The following INTS9 variants were observed in gnomAD, a reference collection of about 807,000 sequenced individuals.
The protein encoded by INTS9 is integrator complex subunit 9.
Under a neutral mutation model 79.7 loss-of-function variants are expected in INTS9, and 55 were observed. That is an observed-to-expected ratio of 0.69 (90% CI 0.56 to 0.86). INTS9 has a LOEUF of 0.86. INTS9 is among the 40% of genes least tolerant of loss of function. The pLI, the probability that INTS9 is intolerant of heterozygous loss-of-function variation, is 0.00. For missense variants in INTS9, 721 were observed against 831.5 expected, an observed-to-expected ratio of 0.87 and a Z score of 1.64; for synonymous variants, 319 against 325.2, an observed-to-expected ratio of 0.98 and a Z score of 0.20.
At chr8:28,842,003 A>G (rs1422071276) in intron 4 of INTS9, among the ~76,000 whole-genome samples, 2 of 152,140 alleles carry the variant, frequency 1.3e-5, no homozygotes, top group African/African-American at 4.8e-5. Flanking sequence ...CAGGAGGATC[A>G]CTTCAGCCCA....
chr8:28,838,851 A>G (rs1806984927), intron 4 of INTS9, among the ~76,000 whole-genome samples: 2 of 152,130 alleles, frequency 1.3e-5, no homozygotes, highest in South Asian at 4.2e-4. Flanking sequence ...TTCACAATCT[A>G]CACACAACAC....
At chr8:28,871,949 G>T (rs556704657) in intron 1 of INTS9, among the ~76,000 whole-genome samples, 1 of 152,246 alleles carries the variant, frequency 6.6e-6, no homozygotes, top group African/African-American at 2.4e-5. Context: ...GTCAATTCAT[G>T]AAATACAAAT....
At chr8:28,804,437 T>C (rs972743755) in intron 8 of INTS9, among the ~76,000 whole-genome samples, 1 of 152,162 alleles carries the variant, frequency 6.6e-6, no homozygotes, top group African/African-American at 2.4e-5. Flanking sequence ...GTATTACAGT[T>C]GGCAGATTGT....
At chr8:28,835,190 A>G (rs1399353060) in intron 6 of INTS9, 102 bp downstream of exon 6, 2 of 741,780 alleles carry the variant, frequency 2.7e-6, no homozygotes, top group Admixed American at 5.8e-5. Context: ...TCTTTAATAT[A>G]ACCAAATCAT....
At chr8:28,809,622 G>A (rs1804993985) in intron 8 of INTS9, among the ~76,000 whole-genome samples, 1 of 152,032 alleles carries the variant, frequency 6.6e-6, no homozygotes. Context: ...TACATCAATA[G>A]TACTGTAAAG....
chr8:28,819,416 T>C (rs1184217720), intron 6 of INTS9, among the ~76,000 whole-genome samples: 5 of 152,210 alleles, frequency 3.3e-5, no homozygotes, highest in Admixed American at 2.6e-4. Context: ...ATGTACCCAG[T>C]AGTCATTCAG....
intron 8 of INTS9, 114 bp from the exon 9 acceptor site, chr8:28,796,769 G>A (rs1339024425): frequency 1.4e-6 from 1 of 695,282 alleles, no homozygotes; most frequent in East Asian, 2.7e-5. Flanking sequence ...CCATCATCGA[G>A]TTCTCTTATG....
At chr8:28,784,651 A>C (rs183814077) in intron 11 of INTS9, among the ~76,000 whole-genome samples, 2 of 152,242 alleles carry the variant, frequency 1.3e-5, no homozygotes, top group Non-Finnish European at 1.5e-5. Flanking sequence ...AAACATATCT[A>C]TCTGCACTGA....
chr8:28,882,316 G>A (rs1251398065), intron 1 of INTS9, among the ~76,000 whole-genome samples: 1 of 114,972 alleles, frequency 8.7e-6, no homozygotes, highest in African/African-American at 2.7e-5. Flanking sequence ...CACAAACACT[G>A]CGGAAGGCCG....
chr8:28,841,389 A>C (rs1420894343), intron 4 of INTS9, among the ~76,000 whole-genome samples: 1 of 152,248 alleles, frequency 6.6e-6, no homozygotes, highest in Non-Finnish European at 1.5e-5. Flanking sequence ...AGCAACAATA[A>C]AGCTAAAAAT....
At chr8:28,880,845 A>G (rs1225717520) in intron 1 of INTS9, among the ~76,000 whole-genome samples, 1 of 146,704 alleles carries the variant, frequency 6.8e-6, no homozygotes, top group African/African-American at 2.5e-5. Context: ...CCATCTAGGA[A>G]GTGAGGAGCG....
At chr8:28,855,163 C>T (rs1387549415) in intron 2 of INTS9, among the ~76,000 whole-genome samples, 5 of 152,226 alleles carry the variant, frequency 3.3e-5, no homozygotes, top group Non-Finnish European at 2.9e-5. Context: ...CATAGATGAT[C>T]TCACAGAGTC....
chr8:28,780,658 T>G (rs991948229), intron 12 of INTS9, 165 bp downstream of exon 12: 4 of 985,342 alleles, frequency 4.1e-6, no homozygotes, highest in Admixed American at 6.1e-5. Flanking sequence ...CACACACTGC[T>G]TCACTCTTTC....
At chr8:28,773,138 T>C (rs747350240) in intron 14 of INTS9, among the ~76,000 whole-genome samples, 1 of 152,222 alleles carries the variant, frequency 6.6e-6, no homozygotes, top group African/African-American at 2.4e-5. Context: ...AAAAGTGTTA[T>C]TTATAACACA....
At chr8:28,881,692 C>T (rs1809826920) in intron 1 of INTS9, among the ~76,000 whole-genome samples, 5 of 132,334 alleles carry the variant, frequency 3.8e-5, no homozygotes, top group African/African-American at 8.6e-5. Flanking sequence ...CCGCCCCGTC[C>T]GGGAGGGAGG....
intron 6 of INTS9, among the ~76,000 whole-genome samples, chr8:28,832,327 T>C (rs1390019574): frequency 6.6e-6 from 1 of 152,170 alleles, no homozygotes; most frequent in African/African-American, 2.4e-5. Context: ...CAAAGACTTA[T>C]AAATGCACAT....
chr8:28,822,642 A>C (rs1320063463), intron 6 of INTS9, among the ~76,000 whole-genome samples: 3 of 152,202 alleles, frequency 2.0e-5, no homozygotes, highest in African/African-American at 7.2e-5. Context: ...AGGAATAAAG[A>C]CAAGATTCTA....
intron 1 of INTS9, among the ~76,000 whole-genome samples, chr8:28,888,941 G>A (rs747860514): frequency 6.6e-6 from 1 of 151,524 alleles, no homozygotes; most frequent in Non-Finnish European, 1.5e-5. Flanking sequence ...GTCTCGCGCT[G>A]TTGCAAGGCT....
At chr8:28,782,769 T>C (rs1178535874) in intron 11 of INTS9, among the ~76,000 whole-genome samples, 1 of 152,118 alleles carries the variant, frequency 6.6e-6, no homozygotes, top group Non-Finnish European at 1.5e-5. Flanking sequence ...TAAAAAAAGT[T>C]CTTGGATACT....
Sources: allele counts gnomAD v4.1 joint callset (sites outside exome capture counted in the v4.1 genomes callset), GRCh38; gene constraint gnomAD v4.1.1; transcripts MANE v1.5; gene names NCBI Gene and HGNC (gene_info 2026-07-23, HGNC 2026-07-21).